GABRA4: variants seen among roughly 807,000 people sequenced by gnomAD.
The protein encoded by GABRA4 is gamma-aminobutyric acid type A receptor subunit alpha4.
GABRA4 carries 12 observed loss-of-function variants against 49.7 expected under a neutral mutation model. That is an observed-to-expected ratio of 0.24 (90% confidence interval 0.15 to 0.39). GABRA4 has a LOEUF of 0.39. Ranked by LOEUF, GABRA4 falls within the 10% of genes least tolerant of loss-of-function variation. GABRA4 has a pLI of 1.00. For missense variants in GABRA4, 506 were observed against 686.0 expected, an observed-to-expected ratio of 0.74 and a Z score of 2.93; for synonymous variants, 288 against 240.2, an observed-to-expected ratio of 1.20 and a Z score of -1.84.
intron 2 of GABRA4, among the ~76,000 whole-genome samples, chr4:46,984,617 T>C (rs997686513): frequency 2.0e-5 from 3 of 151,962 alleles, no homozygotes; most frequent in Admixed American, 6.6e-5. Context: ...AAATAAAATA[T>C]GGGCAAACAA....
chr4:46,952,125 A>G (rs1358996572), intron 8 of GABRA4, among the ~76,000 whole-genome samples: 1 of 152,128 alleles, frequency 6.6e-6, no homozygotes, highest in Non-Finnish European at 1.5e-5. Context: ...ACTAGAGAGT[A>G]TAAAGAAATC....
chr4:46,938,659 G>A (rs1164659531), intron 8 of GABRA4, among the ~76,000 whole-genome samples: 1 of 151,956 alleles, frequency 6.6e-6, no homozygotes, highest in Non-Finnish European at 1.5e-5. Flanking sequence ...TTTGCCTACT[G>A]AACATACACA....
rs556930134 is a variant in GABRA4, at chr4:46,927,138, G to A, written c.*1087C>T. 5 of 152,042 alleles carry A rather than the reference G, an allele frequency of 3.3e-5. No individual in the cohort carries two copies. Among genetic ancestry groups the A allele is most frequent in the African/African-American group, 1.2e-4 (5 of 41,512 alleles). The allele number at this position is 152,042 out of a possible 1,614,324, so 9.4% of individuals were successfully genotyped here. A position where few individuals can be genotyped will look rare whatever the true frequency, so the allele number is the denominator to read the frequency against. The stretch of plus-strand genomic sequence containing the variant: ...ACTCTGTGACTCTGATCAAATTTGC[G>A]ACAGTTAATCTATTAAGTCTTATAT... On this transcript the variant is annotated 3_prime_UTR_variant, in exon 9 of 9. Transcript: ENST00000264318.
intron 8 of GABRA4, among the ~76,000 whole-genome samples, chr4:46,959,929 C>T (rs1474515219): frequency 6.7e-6 from 1 of 150,368 alleles, no homozygotes; most frequent in Admixed American, 6.7e-5. Context: ...GTGTTAGTAG[C>T]TACATGAGAC....
chr4:46,945,676 C>T (rs1721957799), intron 8 of GABRA4, among the ~76,000 whole-genome samples: 2 of 152,006 alleles, frequency 1.3e-5, no homozygotes, highest in African/African-American at 2.4e-5. Flanking sequence ...AAATAAGACC[C>T]TATAGGAGGA....
chr4:46,980,505 C>A (rs925767848), intron 2 of GABRA4, among the ~76,000 whole-genome samples: 4 of 151,772 alleles, frequency 2.6e-5, no homozygotes, highest in African/African-American at 7.3e-5. Flanking sequence ...AGAAAGATAG[C>A]TCGAGGGAGA....
intron 2 of GABRA4, among the ~76,000 whole-genome samples, chr4:46,982,644 T>C (rs1723396733): frequency 6.6e-6 from 1 of 152,122 alleles, no homozygotes; most frequent in Admixed American, 6.6e-5. Flanking sequence ...TTCTCTGTCT[T>C]TACTTATAGG....
chr4:46,965,776 T>C (rs924826874), intron 7 of GABRA4, among the ~76,000 whole-genome samples: 1 of 151,826 alleles, frequency 6.6e-6, no homozygotes, highest in Non-Finnish European at 1.5e-5. Flanking sequence ...GAATTATACA[T>C]AGGTCTTTCT....
At chr4:46,937,148 C>G (rs966021459) in intron 8 of GABRA4, among the ~76,000 whole-genome samples, 2 of 152,132 alleles carry the variant, frequency 1.3e-5, no homozygotes, top group Non-Finnish European at 2.9e-5. Flanking sequence ...AAAGAAATAC[C>G]AGGTTTCTCT....
intron 8 of GABRA4, among the ~76,000 whole-genome samples, chr4:46,929,834 T>A (rs191624586): frequency 6.6e-6 from 1 of 151,484 alleles, no homozygotes; most frequent in East Asian, 1.9e-4. Context: ...AGATGGTGAG[T>A]GAAAAAATGG....
At chr4:46,945,935 G>A (rs923108708) in intron 8 of GABRA4, among the ~76,000 whole-genome samples, 6 of 152,078 alleles carry the variant, frequency 3.9e-5, no homozygotes, top group African/African-American at 1.4e-4. Context: ...TGAAGAATAA[G>A]CAGTCAAAGC....
At chr4:46,986,784 T>C (rs955832000) in intron 2 of GABRA4, among the ~76,000 whole-genome samples, 2 of 152,158 alleles carry the variant, frequency 1.3e-5, no homozygotes, top group Non-Finnish European at 2.9e-5. Flanking sequence ...TGGCACAGTC[T>C]TGACAACTCC....
chr4:46,949,132 C>G (rs559200319), intron 8 of GABRA4, among the ~76,000 whole-genome samples: 2 of 152,220 alleles, frequency 1.3e-5, no homozygotes, highest in South Asian at 4.1e-4. Context: ...CTTCATAGTG[C>G]TATGATTTCT....
intron 2 of GABRA4, among the ~76,000 whole-genome samples, chr4:46,986,832 G>A (rs138514601): frequency 1.7e-4 from 26 of 152,162 alleles, no homozygotes; most frequent in African/African-American, 5.3e-4. Context: ...TTTGGAATCA[G>A]CTTTGACACC....
chr4:46,973,926 A>C (rs1723043399), intron 6 of GABRA4, among the ~76,000 whole-genome samples: 2 of 151,862 alleles, frequency 1.3e-5, no homozygotes, highest in African/African-American at 4.8e-5. Context: ...CAAAGACAAA[A>C]AACAAGATCA....
chr4:46,937,352 T>C (rs886586614), intron 8 of GABRA4, among the ~76,000 whole-genome samples: 1 of 152,224 alleles, frequency 6.6e-6, no homozygotes, highest in African/African-American at 2.4e-5. Flanking sequence ...TATTTTGTTA[T>C]GGCAACCTGA....
chr4:46,984,887 T>A (rs1264193380), intron 2 of GABRA4, among the ~76,000 whole-genome samples: 1 of 152,036 alleles, frequency 6.6e-6, no homozygotes, highest in Non-Finnish European at 1.5e-5. Context: ...GGCATTATCT[T>A]GTCAACTCCC....
chr4:46,949,669 A>G (rs983831701), intron 8 of GABRA4, among the ~76,000 whole-genome samples: 2 of 152,256 alleles, frequency 1.3e-5, no homozygotes, highest in African/African-American at 2.4e-5. Flanking sequence ...TCTTTGAAAC[A>G]TTTGTAGTAA....
At chr4:46,932,364 G>C (rs1019131192) in intron 8 of GABRA4, among the ~76,000 whole-genome samples, 1 of 152,108 alleles carries the variant, frequency 6.6e-6, no homozygotes, top group African/African-American at 2.4e-5. Flanking sequence ...TACTTACTTG[G>C]TGTCTGTTCT....
Sources: allele counts gnomAD v4.1 joint callset (sites outside exome capture counted in the v4.1 genomes callset), GRCh38; gene constraint gnomAD v4.1.1; transcripts MANE v1.5; gene names NCBI Gene and HGNC (gene_info 2026-07-23, HGNC 2026-07-21).